Variants in PAK1 observed in about 807,000 individuals in gnomAD.
The protein encoded by PAK1 is p21 (RAC1) activated kinase 1.
Under a neutral mutation model 67.4 loss-of-function variants are expected in PAK1, and 29 were observed. The observed-to-expected ratio is 0.43, with a 90% CI of 0.32 to 0.59. The LOEUF (loss-of-function observed/expected upper bound fraction) is 0.59, where lower values mean the gene tolerates loss of function less well. PAK1 is among the 20% of genes least tolerant of loss of function. PAK1 has a pLI of 0.07. For synonymous variants in PAK1, 223 were observed against 237.4 expected (o/e 0.94, Z 0.56); for missense variants, 337 against 670.7 (o/e 0.50, Z 5.50).
At chr11:77,506,516 C>T in the PAK1 span, among the ~76,000 whole-genome samples, 1 of 152,166 alleles carries the variant, frequency 6.6e-6, no homozygotes, top group African/African-American at 2.4e-5. Context: ...AGGCAGAAAG[C>T]AGCCAGTTCC....
At chr11:77,374,684 G>GTGAA (rs1948869330) in intron 4 of PAK1, among the ~76,000 whole-genome samples, 2 of 152,278 alleles carry the variant, frequency 1.3e-5, no homozygotes, top group Non-Finnish European at 2.9e-5. Context: ...TGGTCATTAT[G>GTGAA]TGAACATCAT....
chr11:77,462,438 A>C (rs1267610002), intron 1 of PAK1, among the ~76,000 whole-genome samples: 1 of 152,188 alleles, frequency 6.6e-6, no homozygotes, highest in Non-Finnish European at 1.5e-5. Context: ...TAGCACAGTA[A>C]GGTTTCTTCT....
chr11:77,492,187 T>A, the PAK1 span, among the ~76,000 whole-genome samples: 1 of 152,040 alleles, frequency 6.6e-6, no homozygotes, highest in African/African-American at 2.4e-5. Flanking sequence ...GCTCAAAAGC[T>A]AGCCGGGCAC....
At chr11:77,393,895 A>G (rs1951488137) in intron 1 of PAK1, among the ~76,000 whole-genome samples, 1 of 151,910 alleles carries the variant, frequency 6.6e-6, no homozygotes, top group Non-Finnish European at 1.5e-5. Flanking sequence ...CCCAGCTACT[A>G]GGGAGGCTGA....
the PAK1 span, among the ~76,000 whole-genome samples, chr11:77,490,670 GT>G: frequency 6.6e-6 from 1 of 152,264 alleles, no homozygotes; most frequent in Non-Finnish European, 1.5e-5. Flanking sequence ...GACAATGGCG[GT>G]TTTGTGGAAT....
the PAK1 span, among the ~76,000 whole-genome samples, chr11:77,480,685 A>C: frequency 3.9e-5 from 6 of 152,206 alleles, 1 homozygote; most frequent in South Asian, 1.2e-3. Flanking sequence ...CACCATGCCC[A>C]ACTAATTTTT....
At chr11:77,498,924 C>A in the PAK1 span, among the ~76,000 whole-genome samples, 40 of 152,046 alleles carry the variant, frequency 2.6e-4, no homozygotes, top group African/African-American at 8.7e-4. Flanking sequence ...TGGTCTCGAA[C>A]TCCTGACCTT....
chr11:77,516,806 C>A, the PAK1 span, among the ~76,000 whole-genome samples: 1 of 139,318 alleles, frequency 7.2e-6, no homozygotes. Flanking sequence ...AATTCAAGAC[C>A]AGCCTGGGCA....
At chr11:77,324,318 G>A (rs540858249) in intron 14 of PAK1, among the ~76,000 whole-genome samples, 9 of 151,724 alleles carry the variant, frequency 5.9e-5, no homozygotes, top group South Asian at 2.1e-4. Flanking sequence ...GACTACAGGC[G>A]CCCGCCACCA....
chr11:77,324,748 T>TACAC (rs1219039191), intron 14 of PAK1, among the ~76,000 whole-genome samples: 1 of 92,990 alleles, frequency 1.1e-5, no homozygotes, highest in Non-Finnish European at 2.2e-5. Flanking sequence ...TGTATATATG[T>TACAC]ATACACACAC....
chr11:77,506,107 A>G, the PAK1 span, among the ~76,000 whole-genome samples: 1 of 152,212 alleles, frequency 6.6e-6, no homozygotes, highest in Admixed American at 6.5e-5. Flanking sequence ...ATGATAACCA[A>G]CGACTGACAT....
intron 14 of PAK1, chr11:77,329,350 A>C (rs1019804242): frequency 4.6e-5 from 7 of 152,310 alleles, no homozygotes; most frequent in African/African-American, 1.7e-4. Context: ...ATTTTAGCCA[A>C]TATCCTTGAT....
At chr11:77,525,420 T>C in the PAK1 span, among the ~76,000 whole-genome samples, 4 of 152,182 alleles carry the variant, frequency 2.6e-5, no homozygotes, top group African/African-American at 4.8e-5. Flanking sequence ...ATTTTAGAAC[T>C]TGAATGGCTC....
the PAK1 span, among the ~76,000 whole-genome samples, chr11:77,526,941 A>G: frequency 0.029 from 4,336 of 151,482 alleles, 78 homozygotes; most frequent in African/African-American, 0.051. Flanking sequence ...GGCTGGAAAG[A>G]TACATGCTAA....
chr11:77,483,068 G>C, the PAK1 span, among the ~76,000 whole-genome samples: 2 of 152,012 alleles, frequency 1.3e-5, no homozygotes, highest in African/African-American at 4.8e-5. Flanking sequence ...ATGGTGGTGG[G>C]CACCTGTAAT....
At chr11:77,485,509 C>T in the PAK1 span, among the ~76,000 whole-genome samples, 21 of 151,992 alleles carry the variant, frequency 1.4e-4, no homozygotes, top group Admixed American at 9.2e-4. Flanking sequence ...AAGTTTCACA[C>T]TTGTTGCCCA....
intron 1 of PAK1, among the ~76,000 whole-genome samples, chr11:77,471,976 C>T (rs867996963): frequency 2.6e-5 from 4 of 152,168 alleles, no homozygotes; most frequent in African/African-American, 7.2e-5. Flanking sequence ...TCAATTATTG[C>T]ACACTACTAC....
At chr11:77,497,435 C>T in the PAK1 span, among the ~76,000 whole-genome samples, 1 of 152,208 alleles carries the variant, frequency 6.6e-6, no homozygotes, top group Admixed American at 6.5e-5. Flanking sequence ...GAAACTGAGA[C>T]CCAGAAGGAA....
intron 10 of PAK1, 148 bp downstream of exon 10, chr11:77,343,671 C>T (rs1431978920): frequency 8.0e-6 from 5 of 626,422 alleles, no homozygotes; most frequent in Non-Finnish European, 8.7e-6. Flanking sequence ...TCCAGCATTA[C>T]ACAGGGTCAC....
Sources: allele counts gnomAD v4.1 joint callset (sites outside exome capture counted in the v4.1 genomes callset), GRCh38; gene constraint gnomAD v4.1.1; transcripts MANE v1.5; gene names NCBI Gene and HGNC (gene_info 2026-07-23, HGNC 2026-07-21).